Variants in SPTLC1 observed in about 807,000 individuals in gnomAD.
The protein encoded by SPTLC1 is serine palmitoyltransferase long chain base subunit 1.
A neutral mutation model predicts 68.9 loss-of-function variants in SPTLC1; 55 were observed. That is an observed-to-expected ratio of 0.80 (90% CI 0.64 to 1.00). SPTLC1 has a LOEUF of 1.00. Ranked by LOEUF, SPTLC1 falls within the 50% of genes least tolerant of loss-of-function variation. SPTLC1 has a pLI of 0.00. For missense variants in SPTLC1, 449 were observed against 573.1 expected, an observed-to-expected ratio of 0.78 and a Z score of 2.21; for synonymous variants, 197 against 201.6, an observed-to-expected ratio of 0.98 and a Z score of 0.19.
At chr9:92,077,460 C>T (rs1834722299) in intron 5 of SPTLC1, among the ~76,000 whole-genome samples, 3 of 152,142 alleles carry the variant, frequency 2.0e-5, no homozygotes, top group African/African-American at 7.2e-5. Flanking sequence ...TCTGCAGAAT[C>T]CTCCCCACTG....
intron 1 of SPTLC1, chr9:92,114,999 C>T (rs1351598864): frequency 6.4e-6 from 3 of 468,548 alleles, no homozygotes; most frequent in South Asian, 4.6e-5. Context: ...TCCGTTTTAT[C>T]GTCCGTCTAA....
chr9:92,087,380 A>G (rs1835186049), intron 3 of SPTLC1, among the ~76,000 whole-genome samples: 1 of 151,870 alleles, frequency 6.6e-6, no homozygotes, highest in East Asian at 1.9e-4. Flanking sequence ...GGTTTTATCT[A>G]CTTTTGGTCT....
At chr9:92,036,610 G>C (rs1833149413) in intron 13 of SPTLC1, among the ~76,000 whole-genome samples, 1 of 152,208 alleles carries the variant, frequency 6.6e-6, no homozygotes, top group Non-Finnish European at 1.5e-5. Flanking sequence ...TCATGAGCCT[G>C]CTCTGTGAAC....
chr9:92,101,025 A>G (rs1835728922), intron 3 of SPTLC1, among the ~76,000 whole-genome samples: 1 of 152,114 alleles, frequency 6.6e-6, no homozygotes, highest in African/African-American at 2.4e-5. Flanking sequence ...AAATATAAAC[A>G]TAGGAGATAA....
At chr9:92,058,763 C>T (rs1458285926) in intron 7 of SPTLC1, among the ~76,000 whole-genome samples, 1 of 152,190 alleles carries the variant, frequency 6.6e-6, no homozygotes, top group East Asian at 1.9e-4. Context: ...AATAAGCTTG[C>T]TGCCATTCTT....
intron 3 of SPTLC1, among the ~76,000 whole-genome samples, chr9:92,088,642 A>ATAGTAT (rs1244795453): frequency 1.3e-5 from 2 of 152,264 alleles, no homozygotes; most frequent in East Asian, 3.8e-4. Flanking sequence ...AAAAACTGTA[A>ATAGTAT]TACACAGAAA....
intron 3 of SPTLC1, among the ~76,000 whole-genome samples, chr9:92,093,945 A>G (rs2118755328): frequency 6.6e-6 from 1 of 152,374 alleles, no homozygotes; most frequent in East Asian, 1.9e-4. Flanking sequence ...GGAAAATGAC[A>G]GCAGTTACCC....
At chr9:92,061,586 T>C (rs1447545691) in intron 6 of SPTLC1, among the ~76,000 whole-genome samples, 1 of 152,196 alleles carries the variant, frequency 6.6e-6, no homozygotes, top group Admixed American at 6.5e-5. Flanking sequence ...GTAAAAAATA[T>C]GGGCAAATAC....
At position 92,034,892 on chromosome 9, in the gene SPTLC1, A is replaced by C. The variant is rs759258288; in HGVS notation, c.1255-9T>G. 1 of 1,612,634 alleles carries C rather than the reference A, an allele frequency of 6.2e-7. No individual in the cohort carries two copies. The highest frequency in any genetic ancestry group is 1.1e-5 in the South Asian group (1 of 91,074). ...ATACTTCTGTTCATGCACTGTAGGA[A>C]GAAAAAGAAGACATCTGCAACCTGG... On this transcript the variant is annotated splice_polypyrimidine_tract_variant and intron_variant, in intron 13 of 14. Transcript: ENST00000262554.
At chr9:92,102,261 G>A (rs1041674706) in intron 3 of SPTLC1, among the ~76,000 whole-genome samples, 2 of 152,214 alleles carry the variant, frequency 1.3e-5, no homozygotes, top group Non-Finnish European at 2.9e-5. Flanking sequence ...CATAAGACCA[G>A]CCTGACAAGA....
chr9:92,056,077 A>G (rs149995410), intron 7 of SPTLC1, among the ~76,000 whole-genome samples: 185 of 152,334 alleles, frequency 1.2e-3, no homozygotes, highest in African/African-American at 4.0e-3. Flanking sequence ...ATTTTTCCAT[A>G]ACAAAAAGTT....
At chr9:92,038,194 T>C in intron 13 of SPTLC1, 54 bp downstream of exon 13, 2 of 1,210,364 alleles carry the variant, frequency 1.7e-6, no homozygotes, top group South Asian at 1.2e-5. Flanking sequence ...AAAAATTGCT[T>C]GGGGCAAGGG....
chr9:92,034,686 T>C (rs1833082351), intron 14 of SPTLC1, 124 bp downstream of exon 14: 3 of 817,520 alleles, frequency 3.7e-6, no homozygotes, highest in Non-Finnish European at 6.4e-6. Context: ...TAATGTACTA[T>C]ATTTTAATGA....
At chr9:92,083,406 T>C (rs1834973167) in intron 3 of SPTLC1, among the ~76,000 whole-genome samples, 1 of 151,314 alleles carries the variant, frequency 6.6e-6, no homozygotes. Context: ...CCATCTTGAA[T>C]TAATTTTTGT....
chr9:92,086,173 T>A (rs1051521427), intron 3 of SPTLC1, among the ~76,000 whole-genome samples: 2 of 152,132 alleles, frequency 1.3e-5, no homozygotes, highest in African/African-American at 4.8e-5. Context: ...TGCAGCACAC[T>A]GATGGGTCTT....
Position 92,067,988 on chromosome 9 carries a change from T to A in SPTLC1, c.538A>T (p.Lys180Ter), listed in dbSNP as rs1834352699. ...TACACAAAAACAATGTCCCCTCTTT[T>A]AGAGTAAGCAGGAATAGCACTGGCT... ...TIASAIPAYS[K>*]RGDIVFVDRA... Residue 180 changes from lysine (K) to a stop codon, truncating the protein, a stop_gained, in exon 6 of 15, where the codon AAA (lysine) becomes TAA (stop). Transcript: ENST00000262554. LOFTEE classifies it high-confidence loss of function. 1.2e-6 allele frequency: 2 copies of A among 1,614,126 alleles called. No individual in the cohort carries two copies. The highest frequency in any genetic ancestry group is 1.3e-5 in the African/African-American group (1 of 75,064).
chr9:92,070,199 T>C (rs552237379), intron 5 of SPTLC1: 1 of 152,238 alleles, frequency 6.6e-6, no homozygotes, highest in East Asian at 1.9e-4. Flanking sequence ...TTTTAGCTGA[T>C]GTCAGCCTTG....
chr9:92,049,359 G>A (rs1012896429), intron 9 of SPTLC1, among the ~76,000 whole-genome samples: 1 of 152,122 alleles, frequency 6.6e-6, no homozygotes, highest in Non-Finnish European at 1.5e-5. Flanking sequence ...TGAGGCTCCA[G>A]GAGCAAAACC....
intron 3 of SPTLC1, chr9:92,105,345 A>G: frequency 6.6e-7 from 1 of 1,520,464 alleles, no homozygotes; most frequent in South Asian, 1.2e-5. Context: ...AACATGCGTA[A>G]GAACATGAGG....
Sources: gnomAD v4.1 joint callset for allele counts (sites outside exome capture counted in the v4.1 genomes callset) on GRCh38, gnomAD v4.1.1 for gene constraint, MANE v1.5 for transcripts, NCBI Gene and HGNC (gene_info 2026-07-23, HGNC 2026-07-21) for gene names.